Variants in MAP3K11 observed in about 807,000 individuals in gnomAD.
The protein encoded by MAP3K11 is mitogen-activated protein kinase kinase kinase 11, also known as SH3 domain-containing proline-rich kinase.
In MAP3K11, 46 loss-of-function variants were observed where a neutral mutation model predicts 84.9. The observed-to-expected ratio is 0.54, with a 90% confidence interval of 0.43 to 0.69. The LOEUF (loss-of-function observed/expected upper bound fraction) is 0.69. MAP3K11 is among the 30% of genes least tolerant of loss of function. The probability of loss-of-function intolerance (pLI) is 0.00; values close to 1 mark genes in which losing one functional copy is unlikely to be tolerated. For missense variants in MAP3K11, 1,053 were observed against 1,198.3 expected (o/e 0.88, Z 1.79); for synonymous variants, 527 against 514.7 (o/e 1.02, Z -0.32).
chr11:65,599,877 G>C, intron 8 of MAP3K11, 109 bp from the exon 9 acceptor site: 3 of 1,218,452 alleles, frequency 2.5e-6, no homozygotes, highest in Non-Finnish European at 3.4e-6. Flanking sequence ...CCCTCTACTA[G>C]CATCTTCCCT....
At chr11:65,608,620 T>C (rs1854539960) in intron 1 of MAP3K11, 172 bp from the exon 2 acceptor site, 1 of 308,968 alleles carries the variant, frequency 3.2e-6, no homozygotes, top group Non-Finnish European at 5.8e-6. Context: ...TTTCTTTTCC[T>C]TTTTTTTTTT....
intron 2 of MAP3K11, 44 bp downstream of exon 2, chr11:65,608,224 C>G (rs1383575561): frequency 1.2e-6 from 2 of 1,601,884 alleles, no homozygotes; most frequent in Non-Finnish European, 1.7e-6. Context: ...CCTCTGCCCT[C>G]TGCAGCCCCG....
At chr11:65,606,901 T>C (rs1023862027) in intron 5 of MAP3K11, 97 bp from the exon 6 acceptor site, 24 of 759,238 alleles carry the variant, frequency 3.2e-5, no homozygotes, top group Admixed American at 1.6e-4. Context: ...CCAGGCCACA[T>C]AGGGAGCGGC....
rs1298508400 is a variant in MAP3K11 at position 65,598,236 on chromosome 11, G to A, written c.*55C>T. ...AGGCTGACCCAGCTCCTGTTCCAGT[G>A]TATGCTGTGACTCCTCCTAAGGCAG... is the stretch of plus-strand genomic sequence containing the variant. On this transcript the variant is annotated 3_prime_UTR_variant, in exon 10 of 10. Transcript: ENST00000309100. 3.7e-6 allele frequency: 5 copies of A among 1,349,128 alleles called. No homozygotes were observed. The African/African-American group carries it at 7.4e-5, about 20-fold the overall frequency. 83.6% of individuals were successfully genotyped at this position (1,349,128 alleles called of 1,614,324 possible). A position where few individuals can be genotyped will look rare whatever the true frequency, so the allele number is the denominator to read the frequency against.
At chr11:65,604,447 G>A (rs1854485818) in intron 8 of MAP3K11, among the ~76,000 whole-genome samples, 1 of 152,240 alleles carries the variant, frequency 6.6e-6, no homozygotes, top group Non-Finnish European at 1.5e-5. Context: ...CAGATGCTGG[G>A]GGCAGTGCAG....
Position 65,608,551 on chromosome 11 carries a change from G to C in MAP3K11, c.740-103C>G, listed in dbSNP as rs1854539318. The C allele has an allele frequency of 2.9e-6, 3 of 1,026,042 alleles. No individual in the cohort carries two copies. In the South Asian group the frequency reaches 4.4e-5, roughly 15 times the overall value. The allele number at this position is 1,026,042 out of a possible 1,614,324, so 63.6% of individuals were successfully genotyped here. On this transcript the variant is annotated intron_variant, in intron 1 of 9. Transcript: ENST00000309100. ...CTGACGGACATCCTGGCTGGGTCCT[G>C]GGGGCACAGAGGTGACTTGGTCTAG...
At chr11:65,602,932 C>A (rs1219668808) in intron 8 of MAP3K11, among the ~76,000 whole-genome samples, 1 of 152,102 alleles carries the variant, frequency 6.6e-6, no homozygotes, top group African/African-American at 2.4e-5. Context: ...ATGGCAAAAC[C>A]CCATCTCTAC....
chr11:65,612,527 G>A (rs1854581875), intron 1 of MAP3K11: 1 of 154,352 alleles, frequency 6.5e-6, no homozygotes, highest in Non-Finnish European at 1.4e-5. Context: ...ATGAAGCCAG[G>A]GAGGGCTAGG....
In MAP3K11 at chr11:65,607,634, C is replaced by T. The variant is rs763814509; in HGVS notation, c.1245+7G>A. The T allele has an allele frequency of 5.0e-6, 8 of 1,600,214 alleles. No individual in the cohort carries two copies. In the African/African-American group the frequency reaches 9.4e-5, roughly 19 times the overall value. On this transcript the variant is annotated splice_region_variant and intron_variant, in intron 4 of 9. Transcript: ENST00000309100. ...GTTCCAACGCTGGGTCCCTTGATTC[C>T]TCGCACCTTTTCCTTGGCTCGCAGC...
intron 8 of MAP3K11, among the ~76,000 whole-genome samples, chr11:65,605,039 CGA>C (rs1565143572): frequency 6.6e-6 from 1 of 152,142 alleles, no homozygotes; most frequent in African/African-American, 2.4e-5. Context: ...GAGCTCACTA[CGA>C]GAGCATTGGA....
intron 2 of MAP3K11, 38 bp downstream of exon 2, chr11:65,608,230 C>A: frequency 1.9e-6 from 3 of 1,603,940 alleles, no homozygotes; most frequent in Non-Finnish European, 2.6e-6. Context: ...CCCTCTGCAG[C>A]CCCGTAGCAG....
In MAP3K11 at chr11:65,598,329, C is replaced by A. The variant is rs777460184; in HGVS notation, c.2506G>T (p.Gly836Cys). ...QDCRAQTKDM[G>C]AQAPWVPEAG... ...TCCGGCACCCACGGGGCCTGGGCAC[C>A]CATGTCTTTGGTCTGTGCCCTGCAG... The change falls in exon 10 of 10, where the codon GGT becomes TGT. Residue 836 changes from glycine (G) to cysteine (C), a missense_variant. By Grantham distance (159) the Gly-to-Cys change is radical. Transcript: ENST00000309100. 14 of 1,488,518 alleles carry A rather than the reference C, an allele frequency of 9.4e-6. No homozygotes were observed. The highest frequency in any genetic ancestry group is 1.3e-5 in the Non-Finnish European group (14 of 1,117,876). The allele number at this position is 1,488,518 out of a possible 1,614,324, so 92.2% of individuals were successfully genotyped here.
rs1854538268 is a variant in MAP3K11, at chr11:65,608,452, G to A, written c.740-4C>T. On this transcript the variant is annotated splice_polypyrimidine_tract_variant and splice_region_variant and intron_variant, in intron 1 of 9. Coordinates refer to ENST00000309100, the MANE Select transcript of MAP3K11 (RefSeq NM_002419.4). The stretch of plus-strand genomic sequence containing the variant: ...TCAATGGGCTGCAGCAGCAAAACTA[G>A]AGAAGAGGGGCCAGATTGTGGATGC... The A allele has an allele frequency of 6.2e-7, 1 of 1,613,974 alleles. No homozygotes were observed. The highest frequency in any genetic ancestry group is 8.5e-7 in the Non-Finnish European group (1 of 1,179,866).
Position 65,613,466 on chromosome 11 carries a change from G to A in MAP3K11, c.291C>T (p.Ser97=). The A allele has an allele frequency of 6.2e-7, 1 of 1,612,166 alleles. No homozygotes were observed. Among genetic ancestry groups the A allele is most frequent in the Non-Finnish European group, 8.5e-7 (1 of 1,179,384 alleles). The part of the protein sequence containing the change: ...QVGGQVGIFP[S]NYVSRGGGPP... ...GGCCGCCACCCCGAGACACATAGTTGGACGGGAAGATGCCCACCTGGCCAC... is the reference window on the plus strand; with the variant it reads ...GGCCGCCACCCCGAGACACATAGTTAGACGGGAAGATGCCCACCTGGCCAC... The change falls in exon 1 of 10, where the codon TCC becomes TCT. Residue 97 remains serine (S), a synonymous_variant. Coordinates refer to ENST00000309100, the MANE Select transcript of MAP3K11 (RefSeq NM_002419.4).
At chr11:65,600,304 G>A (rs969326914) in intron 8 of MAP3K11, among the ~76,000 whole-genome samples, 1 of 152,244 alleles carries the variant, frequency 6.6e-6, no homozygotes, top group Non-Finnish European at 1.5e-5. Context: ...TAGAAAGGAG[G>A]AAAATGAGGT....
At chr11:65,610,007 C>T (rs1166118862) in intron 1 of MAP3K11, 1 of 152,592 alleles carries the variant, frequency 6.6e-6, no homozygotes, top group Non-Finnish European at 1.5e-5. Flanking sequence ...GTGTCCTCCA[C>T]CTTCAGCCAT....
intron 1 of MAP3K11, chr11:65,610,736 G>A (rs1006273510): frequency 3.3e-5 from 5 of 152,298 alleles, no homozygotes; most frequent in Admixed American, 3.3e-4. Flanking sequence ...TGCTGTTCCA[G>A]TATCTCAGGC....
chr11:65,613,692 C>T lies in MAP3K11; in HGVS notation c.65G>A (p.Gly22Glu). 1 of 1,609,248 alleles carries T rather than the reference C, an allele frequency of 6.2e-7. No homozygotes were observed. Among genetic ancestry groups the T allele is most frequent in the Non-Finnish European group, 8.5e-7 (1 of 1,178,550 alleles). ...GCCTCCTCCACCGCCCCCACCACCC[C>T]CGCTGCCACTGCCATTCCATGACCC... is the stretch of plus-strand genomic sequence containing the variant. ...PLGSWNGSGS[G>E]GGGGGGGGRP... Residue 22 changes from glycine to glutamate, a missense_variant, in exon 1 of 10, where the codon GGG (glycine) becomes GAG (glutamate). Physicochemically the swap from Gly to Glu is moderately conservative, Grantham distance 98. This residue lies in a region of MAP3K11 where 160 missense variants were observed against 167.3 expected (regional missense o/e 0.96). Transcript: ENST00000309100.
At position 65,613,320 on chromosome 11, in the gene MAP3K11, G is replaced by T. The variant is rs371379749; in HGVS notation, c.437C>A (p.Ala146Asp). The change falls in exon 1 of 10, where the codon GCT becomes GAT. Residue 146 changes from alanine to aspartate, a missense_variant. Ala to Asp is a moderately radical substitution (Grantham distance 126). This residue lies in a region of MAP3K11 where 310 missense variants were observed against 464.5 expected (regional missense o/e 0.67). Transcript: ENST00000309100. ...WRGELVAVKAARQDPDEDISV... is the reference protein window; with the variant it reads ...WRGELVAVKADRQDPDEDISV... ...GATGTCCTCATCGGGGTCCTGGCGA[G>T]CTGCCTTCACAGCCACCAGCTCACC... 6.2e-7 allele frequency: 1 copy of T among 1,613,036 alleles called. No individual in the cohort carries two copies. Among genetic ancestry groups the T allele is most frequent in the Non-Finnish European group, 8.5e-7 (1 of 1,179,988 alleles).
Sources: allele counts gnomAD v4.1 joint callset (sites outside exome capture counted in the v4.1 genomes callset), GRCh38; gene constraint gnomAD v4.1.1; regional missense constraint gnomAD v4.1.1; transcripts MANE v1.5; gene names NCBI Gene and HGNC (gene_info 2026-07-23, HGNC 2026-07-21).